KDM4C: variants seen among roughly 807,000 people sequenced by gnomAD.
KDM4C encodes lysine demethylase 4C.
Under a neutral mutation model 129.3 loss-of-function variants are expected in KDM4C, and 81 were observed. The observed-to-expected ratio is 0.63, with a 90% CI of 0.52 to 0.75. The LOEUF (loss-of-function observed/expected upper bound fraction) is 0.75. Among genes scored for constraint, KDM4C ranks in the 30% least tolerant of loss-of-function variants. The pLI is 0.00. For synonymous variants in KDM4C, 573 were observed against 456.1 expected (o/e 1.26, Z -3.26); for missense variants, 1,457 against 1,304.0 (o/e 1.12, Z -1.81).
At chr9:7,052,863 C>CCG (rs1830338016) in intron 17 of KDM4C, among the ~76,000 whole-genome samples, 1 of 41,074 alleles carries the variant, frequency 2.4e-5, no homozygotes, top group South Asian at 1.0e-3. Flanking sequence ...GCCACACCTG[C>CCG]AGAGAGAGAG....
intron 8 of KDM4C, among the ~76,000 whole-genome samples, chr9:6,957,246 T>C (rs1829225711): frequency 6.6e-6 from 1 of 152,254 alleles, no homozygotes; most frequent in Admixed American, 6.5e-5. Flanking sequence ...TAATGCTGCC[T>C]GTTGTCACTT....
intron 1 of KDM4C, among the ~76,000 whole-genome samples, chr9:6,776,598 CTTTTTTTTT>C (rs34450311): frequency 9.4e-6 from 1 of 106,194 alleles, no homozygotes; most frequent in South Asian, 3.1e-4. Context: ...CTCAAACCCA[CTTTTTTTTT>C]TTTTTTTTTT....
intron 15 of KDM4C, among the ~76,000 whole-genome samples, chr9:7,035,220 C>T (rs1169709742): frequency 4.0e-5 from 6 of 150,460 alleles, no homozygotes; most frequent in African/African-American, 7.3e-5. Flanking sequence ...TGCCATGTTG[C>T]CCAGGCTGGT....
chr9:7,013,241 T>G (rs1455583396), intron 13 of KDM4C, among the ~76,000 whole-genome samples: 1 of 152,206 alleles, frequency 6.6e-6, no homozygotes, highest in African/African-American at 2.4e-5. Context: ...AGTACTAAAC[T>G]TTTTAAAATC....
intron 1 of KDM4C, among the ~76,000 whole-genome samples, chr9:6,787,758 T>C (rs1825783472): frequency 6.6e-6 from 1 of 152,214 alleles, no homozygotes; most frequent in South Asian, 2.1e-4. Flanking sequence ...AGCCAGAATG[T>C]GATTTACAAT....
At chr9:7,149,505 T>G (rs1219712921) in intron 19 of KDM4C, among the ~76,000 whole-genome samples, 2 of 152,226 alleles carry the variant, frequency 1.3e-5, no homozygotes, top group Non-Finnish European at 2.9e-5. Context: ...GGGCTCCCAC[T>G]GGGATCACCT....
chr9:7,011,202 A>G (rs1038281026), intron 12 of KDM4C, among the ~76,000 whole-genome samples: 9 of 152,214 alleles, frequency 5.9e-5, no homozygotes, highest in African/African-American at 1.9e-4. Context: ...TGTTAATTGT[A>G]ATAAATTCTT....
intron 19 of KDM4C, among the ~76,000 whole-genome samples, chr9:7,150,003 A>G (rs1842582292): frequency 6.6e-6 from 1 of 152,328 alleles, no homozygotes; most frequent in Middle Eastern, 3.4e-3. Context: ...CAGCCCTGAG[A>G]TCACGAGTGG....
intron 8 of KDM4C, among the ~76,000 whole-genome samples, chr9:6,963,894 T>A (rs184969354): frequency 1.3e-5 from 2 of 152,220 alleles, no homozygotes; most frequent in Admixed American, 6.5e-5. Context: ...ATCACTTTTT[T>A]AGCTATTCCT....
intron 1 of KDM4C, among the ~76,000 whole-genome samples, chr9:6,778,099 T>C (rs550966541): frequency 1.3e-5 from 2 of 151,016 alleles, no homozygotes; most frequent in East Asian, 3.9e-4. Flanking sequence ...TTTCTTTTTT[T>C]TTTTTTTTGA....
intron 15 of KDM4C, among the ~76,000 whole-genome samples, chr9:7,031,607 G>A (rs818869): frequency 0.99 from 151,283 of 152,308 alleles, 75,142 homozygotes; most frequent in Middle Eastern, 1. Flanking sequence ...GGCTGTTTAT[G>A]TGTACATATA....
At chr9:6,850,969 G>C (rs930330202) in intron 5 of KDM4C, among the ~76,000 whole-genome samples, 1 of 151,484 alleles carries the variant, frequency 6.6e-6, no homozygotes, top group Non-Finnish European at 1.5e-5. Flanking sequence ...TGGCCAGGCT[G>C]GTCTCGAACT....
At chr9:6,843,057 G>T (rs531220104) in intron 4 of KDM4C, among the ~76,000 whole-genome samples, 2 of 152,198 alleles carry the variant, frequency 1.3e-5, no homozygotes, top group Non-Finnish European at 2.9e-5. Context: ...AGCCTCCCGA[G>T]TAGCTGGGAT....
chr9:6,832,507 G>T (rs1347314354), intron 4 of KDM4C, among the ~76,000 whole-genome samples: 1 of 125,846 alleles, frequency 7.9e-6, no homozygotes, highest in South Asian at 2.8e-4. Context: ...CTCACTGCAA[G>T]CTCCGCCTCC....
At chr9:6,944,444 C>T (rs1474885514) in intron 8 of KDM4C, among the ~76,000 whole-genome samples, 1 of 152,138 alleles carries the variant, frequency 6.6e-6, no homozygotes, top group Non-Finnish European at 1.5e-5. Flanking sequence ...CTTTTGGTGA[C>T]TCATTAGATT....
intron 12 of KDM4C, among the ~76,000 whole-genome samples, chr9:6,998,243 G>T (rs1050704575): frequency 6.6e-6 from 1 of 152,036 alleles, no homozygotes; most frequent in African/African-American, 2.4e-5. Context: ...TTATTTCTTG[G>T]GACGTCTGTA....
At chr9:6,981,266 C>G in intron 9 of KDM4C, 148 bp downstream of exon 9, 1 of 622,930 alleles carries the variant, frequency 1.6e-6, no homozygotes, top group Admixed American at 3.3e-5. Flanking sequence ...ATTTTTAATT[C>G]TTAGGTGTGT....
intron 19 of KDM4C, among the ~76,000 whole-genome samples, chr9:7,163,168 T>C (rs1481652872): frequency 6.6e-6 from 1 of 152,156 alleles, no homozygotes; most frequent in Non-Finnish European, 1.5e-5. Flanking sequence ...CAAACTTTCT[T>C]GGCTTGCAGG....
At chr9:6,786,937 G>C (rs1825619061) in intron 1 of KDM4C, among the ~76,000 whole-genome samples, 1 of 152,088 alleles carries the variant, frequency 6.6e-6, no homozygotes. Flanking sequence ...GTGGTGTAGT[G>C]AAAGTTAACT....
Sources: gnomAD v4.1 joint callset for allele counts (sites outside exome capture counted in the v4.1 genomes callset) on GRCh38, gnomAD v4.1.1 for gene constraint, MANE v1.5 for transcripts, NCBI Gene and HGNC (gene_info 2026-07-23, HGNC 2026-07-21) for gene names.